The following EBF2 variants were observed in gnomAD, a reference collection of about 807,000 sequenced individuals.
EBF2 encodes the protein EBF transcription factor 2.
Under a neutral mutation model 72.8 loss-of-function variants are expected in EBF2, and 21 were observed. The ratio of observed to expected loss-of-function variants is 0.29; its 90% CI spans 0.20 to 0.42. EBF2 has a LOEUF of 0.42. Among genes scored for constraint, EBF2 ranks in the 10% least tolerant of loss-of-function variants. The probability of loss-of-function intolerance (pLI) is 1.00; values close to 1 mark genes in which losing one functional copy is unlikely to be tolerated. For synonymous variants in EBF2, 299 were observed against 274.2 expected (o/e 1.09, Z -0.89); for missense variants, 637 against 731.2 (o/e 0.87, Z 1.49).
chr8:25,982,053 G>A (rs1288165587), intron 6 of EBF2, among the ~76,000 whole-genome samples: 3 of 152,224 alleles, frequency 2.0e-5, no homozygotes, highest in East Asian at 1.9e-4. Context: ...CACGGAGGGA[G>A]GTTTCCTGTG....
chr8:25,940,191 A>G (rs1388493008), intron 6 of EBF2, among the ~76,000 whole-genome samples: 1 of 152,248 alleles, frequency 6.6e-6, no homozygotes, highest in East Asian at 1.9e-4. Context: ...CCTACATTCT[A>G]CTAAAGCTAG....
intron 10 of EBF2, among the ~76,000 whole-genome samples, chr8:25,865,033 C>T (rs936765469): frequency 6.6e-6 from 1 of 152,060 alleles, no homozygotes; most frequent in Non-Finnish European, 1.5e-5. Flanking sequence ...GAACTCCTGA[C>T]CTCGTGATCC....
rs118139140 is a variant in EBF2, at chr8:25,994,701, G to A, written c.551+38384C>T. On this transcript the variant is annotated intron_variant, in intron 6 of 15. Coordinates refer to ENST00000520164, the MANE Select transcript of EBF2 (RefSeq NM_022659.4). ...TTAACACAGGAGCAGAAAACCAAAT[G>A]CTGCATGTTCTCACTTATAAGTGGG... 1.0e-2 allele frequency among the ~76,000 whole-genome samples: 1,521 copies of A among 152,286 alleles called. 20 individuals carry two copies. The highest frequency in any genetic ancestry group is 0.028 in the South Asian group (134 of 4,822).
intron 6 of EBF2, among the ~76,000 whole-genome samples, chr8:25,969,455 C>T (rs186616490): frequency 3.3e-5 from 5 of 152,314 alleles, no homozygotes; most frequent in East Asian, 1.9e-4. Flanking sequence ...GGCCTGCTGA[C>T]GCTTCTGAGT....
At chr8:26,030,984 C>T (rs905174394) in intron 6 of EBF2, among the ~76,000 whole-genome samples, 2 of 152,164 alleles carry the variant, frequency 1.3e-5, no homozygotes, top group Non-Finnish European at 2.9e-5. Context: ...TCAACTTTAT[C>T]GGTGAATGCA....
At chr8:26,027,991 G>A (rs1805328679) in intron 6 of EBF2, among the ~76,000 whole-genome samples, 1 of 152,138 alleles carries the variant, frequency 6.6e-6, no homozygotes, top group South Asian at 2.1e-4. Flanking sequence ...ATTGTTCAGT[G>A]GGTACAGAGT....
At chr8:26,014,982 G>A (rs1326005754) in intron 6 of EBF2, among the ~76,000 whole-genome samples, 1 of 152,192 alleles carries the variant, frequency 6.6e-6, no homozygotes, top group African/African-American at 2.4e-5. Context: ...AAACTAATTG[G>A]AAAGATAGCA....
At position 25,842,943 on chromosome 8, in the gene EBF2, A is replaced by G. The variant is rs1801764900; in HGVS notation, c.*1666T>C. ...CAAACTAAGTCTGTGTATAGACTCT[A>G]TTGTGGTGCTCATGAGTCAATAAGG... On this transcript the variant is annotated 3_prime_UTR_variant, in exon 16 of 16. Transcript: ENST00000520164. The G allele has an allele frequency of 6.6e-6, 1 of 152,220 alleles. No homozygotes were observed. The highest frequency in any genetic ancestry group is 1.5e-5 in the Non-Finnish European group (1 of 68,038). The allele number at this position is 152,220 out of a possible 1,614,324, so 9.4% of individuals were successfully genotyped here. A position where few individuals can be genotyped will look rare whatever the true frequency, so the allele number is the denominator to read the frequency against.
intron 6 of EBF2, among the ~76,000 whole-genome samples, chr8:26,029,163 C>A (rs551165795): frequency 6.6e-6 from 1 of 152,238 alleles, no homozygotes; most frequent in Admixed American, 6.5e-5. Flanking sequence ...AATTAAAGGG[C>A]CACAAAGTAG....
At chr8:25,855,633 A>G (rs1244892751) in intron 14 of EBF2, among the ~76,000 whole-genome samples, 1 of 152,194 alleles carries the variant, frequency 6.6e-6, no homozygotes, top group Non-Finnish European at 1.5e-5. Flanking sequence ...TGAATTGACA[A>G]AATGTTTTCC....
At chr8:25,918,654 G>T (rs1803263491) in intron 6 of EBF2, among the ~76,000 whole-genome samples, 1 of 152,136 alleles carries the variant, frequency 6.6e-6, no homozygotes, top group South Asian at 2.1e-4. Context: ...GAAAGAACAT[G>T]TGTGAAAAGG....
chr8:25,875,255 A>C (rs4131260), intron 10 of EBF2, among the ~76,000 whole-genome samples: 40,241 of 152,122 alleles, frequency 0.26, 5,719 homozygotes, highest in South Asian at 0.4. Context: ...ACAACAGTGA[A>C]TTGTGCTTGT....
At position 25,850,586 on chromosome 8, in the gene EBF2, T is replaced by C; in HGVS notation, c.1696+8A>G. On this transcript the variant is annotated splice_region_variant and intron_variant, in intron 15 of 15. Coordinates refer to ENST00000520164, the MANE Select transcript of EBF2 (RefSeq NM_022659.4). ...ATTGTGTATCCCCAAAATAGAACCCTTGCTTACCTCTGAATCCATTTCCAT... is the reference window on the plus strand; with the variant it reads ...ATTGTGTATCCCCAAAATAGAACCCCTGCTTACCTCTGAATCCATTTCCAT... 6.5e-7 allele frequency: 1 copy of C among 1,543,260 alleles called. No individual in the cohort carries two copies. Among genetic ancestry groups the C allele is most frequent in the Non-Finnish European group, 8.7e-7 (1 of 1,154,554 alleles).
intron 6 of EBF2, among the ~76,000 whole-genome samples, chr8:25,995,786 G>T (rs1388907541): frequency 1.3e-5 from 2 of 151,854 alleles, no homozygotes; most frequent in Admixed American, 1.3e-4. Flanking sequence ...GTAAAAAAAT[G>T]CATTAACTGT....
chr8:25,914,709 G>C (rs1803182012), intron 6 of EBF2, among the ~76,000 whole-genome samples: 1 of 152,166 alleles, frequency 6.6e-6, no homozygotes, highest in Non-Finnish European at 1.5e-5. Context: ...TGACTTACTG[G>C]CTTCTTTAGG....
At chr8:25,929,629 T>C (rs1042156120) in intron 6 of EBF2, among the ~76,000 whole-genome samples, 1 of 152,184 alleles carries the variant, frequency 6.6e-6, no homozygotes, top group African/African-American at 2.4e-5. Flanking sequence ...TCTATTCCTC[T>C]TTCAGAGCAC....
chr8:26,030,826 G>A (rs1016462524), intron 6 of EBF2, among the ~76,000 whole-genome samples: 2 of 152,190 alleles, frequency 1.3e-5, no homozygotes, highest in African/African-American at 2.4e-5. Context: ...GCCAAGATAC[G>A]ATTTCCACTT....
chr8:25,905,441 G>A (rs982904195), intron 7 of EBF2, among the ~76,000 whole-genome samples: 11 of 152,074 alleles, frequency 7.2e-5, no homozygotes, highest in Admixed American at 5.2e-4. Flanking sequence ...CAATCCAAAC[G>A]TCCACTAACT....
intron 6 of EBF2, among the ~76,000 whole-genome samples, chr8:26,006,788 C>T (rs1804889590): frequency 6.6e-6 from 1 of 152,170 alleles, no homozygotes; most frequent in East Asian, 1.9e-4. Flanking sequence ...CTGTGTTATT[C>T]CTCTTCAGAA....
Sources: gnomAD v4.1 joint callset for allele counts (sites outside exome capture counted in the v4.1 genomes callset) on GRCh38, gnomAD v4.1.1 for gene constraint, MANE v1.5 for transcripts, NCBI Gene and HGNC (gene_info 2026-07-23, HGNC 2026-07-21) for gene names.